HDAC9: variants seen among roughly 807,000 people sequenced by gnomAD.
The protein encoded by HDAC9 is MEF-2 interacting transcription repressor (MITR) protein.
HDAC9 carries 41 observed loss-of-function variants against 139.4 expected under a neutral mutation model. The observed-to-expected ratio is 0.29, with a 90% confidence interval of 0.23 to 0.38. The LOEUF (loss-of-function observed/expected upper bound fraction) is 0.38. Among genes scored for constraint, HDAC9 ranks in the 10% least tolerant of loss-of-function variants. HDAC9 has a pLI of 1.00. For synonymous variants in HDAC9, 517 were observed against 476.2 expected (o/e 1.09, Z -1.12); for missense variants, 1,147 against 1,297.0 (o/e 0.88, Z 1.78).
chr7:18,263,596 T>G (rs566072254), intron 2 of HDAC9, among the ~76,000 whole-genome samples: 1 of 143,062 alleles, frequency 7.0e-6, no homozygotes, highest in Admixed American at 7.6e-5. Flanking sequence ...TCTTGCTTGG[T>G]AAGAGTTTAT....
chr7:18,590,678 C>T (rs557308466), intron 4 of HDAC9, among the ~76,000 whole-genome samples, 192 bp downstream of exon 4: 6 of 152,262 alleles, frequency 3.9e-5, no homozygotes, highest in Admixed American at 2.6e-4. Context: ...GTCTGCAGAG[C>T]GTCTCAAGAA....
At chr7:18,153,433 C>T (rs10268455) in intron 1 of HDAC9, among the ~76,000 whole-genome samples, 20,230 of 152,088 alleles carry the variant, frequency 0.13, 2,174 homozygotes, top group African/African-American at 0.3. Context: ...CACGACCAGT[C>T]TGATTGGTTG....
At chr7:18,967,473 G>C (rs1439084397) in intron 24 of HDAC9, among the ~76,000 whole-genome samples, 1 of 139,030 alleles carries the variant, frequency 7.2e-6, no homozygotes, top group Non-Finnish European at 1.5e-5. Flanking sequence ...TGGAATCAAA[G>C]CAAAATTTTT....
upstream of HDAC9, among the ~76,000 whole-genome samples, chr7:18,287,252 G>T (rs1277367330): frequency 1.3e-5 from 2 of 151,182 alleles, no homozygotes; most frequent in Non-Finnish European, 2.9e-5. Context: ...AGAAAAATTA[G>T]AAAATACTGC....
At chr7:18,578,184 A>G in intron 2 of HDAC9, 1 of 518,970 alleles carries the variant, frequency 1.9e-6, no homozygotes. Context: ...GACCTCCACA[A>G]ACTGAGGGAA....
chr7:18,980,809 TCTC>T (rs1331794625), intron 25 of HDAC9, among the ~76,000 whole-genome samples: 3 of 149,708 alleles, frequency 2.0e-5, no homozygotes, highest in Non-Finnish European at 4.4e-5. Context: ...CCTTCTTCCT[TCTC>T]CTCCGTCTCC....
intron 2 of HDAC9, among the ~76,000 whole-genome samples, chr7:18,184,837 T>C (rs71524235): frequency 0.18 from 27,610 of 152,188 alleles, 2,886 homozygotes; most frequent in South Asian, 0.34. Flanking sequence ...TACTGTATTT[T>C]TGTGCTATTG....
rs1228914203 is a variant in HDAC9, at chr7:18,165,577, C to T, written c.25+3228C>T. 2.0e-5 allele frequency among the ~76,000 whole-genome samples: 3 copies of T among 151,900 alleles called. 1 individual carries two copies. Among genetic ancestry groups the T allele is most frequent in the Non-Finnish European group, 4.4e-5 (3 of 67,964 alleles). ...CTAGGTGGGAAGATTGCTTGAGCCC[C>T]GGGGTTCGAGACTAGCCTGGGCAAT... On this transcript the variant is annotated intron_variant, in intron 2 of 12. Coordinates refer to the HDAC9 transcript ENST00000417496.
chr7:18,635,829 C>G (rs1783710728), intron 8 of HDAC9, among the ~76,000 whole-genome samples: 1 of 152,086 alleles, frequency 6.6e-6, no homozygotes, highest in Admixed American at 6.6e-5. Context: ...TCTGTTAGAA[C>G]ACTTCTGCTT....
chr7:18,182,421 A>G (rs570653887), intron 2 of HDAC9, among the ~76,000 whole-genome samples: 2 of 152,216 alleles, frequency 1.3e-5, no homozygotes, highest in Non-Finnish European at 2.9e-5. Flanking sequence ...AGAATAGCCA[A>G]TATGTGATGA....
intron 8 of HDAC9, among the ~76,000 whole-genome samples, chr7:18,644,330 A>G (rs1786668795): frequency 6.6e-6 from 1 of 152,144 alleles, no homozygotes; most frequent in Non-Finnish European, 1.5e-5. Context: ...TTCACTGAGT[A>G]ATACAAAAGA....
chr7:18,544,038 A>G (rs1586867037), intron 2 of HDAC9, among the ~76,000 whole-genome samples: 1 of 152,232 alleles, frequency 6.6e-6, no homozygotes, highest in South Asian at 2.1e-4. Flanking sequence ...GTAGAATAAC[A>G]TGATCTTATT....
intron 25 of HDAC9, among the ~76,000 whole-genome samples, chr7:18,989,426 C>G (rs146292758): frequency 0.52 from 78,421 of 151,568 alleles, 21,558 homozygotes; most frequent in Non-Finnish European, 0.62. Context: ...GAGATCCGCT[C>G]TTAGTCTGAT....
At chr7:18,381,075 A>G (rs1259767848) in intron 1 of HDAC9, among the ~76,000 whole-genome samples, 3 of 151,510 alleles carry the variant, frequency 2.0e-5, no homozygotes, top group South Asian at 2.1e-4. Flanking sequence ...GTGCATGCCT[A>G]TAGTCCTGCA....
intron 21 of HDAC9, among the ~76,000 whole-genome samples, chr7:18,852,562 A>G (rs1273569124): frequency 6.6e-6 from 1 of 152,224 alleles, no homozygotes. Context: ...AGGGACTTTG[A>G]AAATTAAGAT....
intron 2 of HDAC9, among the ~76,000 whole-genome samples, chr7:18,223,071 T>A (rs376441771): frequency 2.6e-5 from 4 of 152,084 alleles, no homozygotes; most frequent in Non-Finnish European, 5.9e-5. Flanking sequence ...AAAAAAGAAA[T>A]GTATTTCTTT....
At chr7:18,557,509 A>G (rs938139086) in intron 2 of HDAC9, among the ~76,000 whole-genome samples, 3 of 151,000 alleles carry the variant, frequency 2.0e-5, no homozygotes, top group Non-Finnish European at 4.4e-5. Flanking sequence ...TATAAACATA[A>G]TATTTCATGA....
chr7:18,593,848 G>A (rs1171526450), intron 5 of HDAC9, 60 bp from the exon 6 acceptor site: 1 of 1,589,036 alleles, frequency 6.3e-7, no homozygotes, highest in African/African-American at 1.3e-5. Context: ...GCTGATTATT[G>A]CTGACCAATA....
intron 23 of HDAC9, among the ~76,000 whole-genome samples, chr7:18,950,004 G>C (rs1782681458): frequency 6.6e-6 from 1 of 151,882 alleles, no homozygotes; most frequent in African/African-American, 2.4e-5. Context: ...TAAAATTGTA[G>C]AATATTTTTA....
Sources: gnomAD v4.1 joint callset for allele counts (sites outside exome capture counted in the v4.1 genomes callset) on GRCh38, gnomAD v4.1.1 for gene constraint, MANE v1.5 for transcripts, NCBI Gene and HGNC (gene_info 2026-07-23, HGNC 2026-07-21) for gene names.